ADGRB3: variants seen among roughly 807,000 people sequenced by gnomAD.
ADGRB3 encodes adhesion G protein-coupled receptor B3, also known as brain-specific angiogenesis inhibitor 3.
In ADGRB3, 37 loss-of-function variants were observed where a neutral mutation model predicts 193.4. The ratio of observed to expected loss-of-function variants is 0.19; its 90% CI spans 0.15 to 0.25. ADGRB3 has a LOEUF of 0.25. Ranked by LOEUF, ADGRB3 falls within the 10% of genes least tolerant of loss-of-function variation. ADGRB3 has a pLI of 1.00. For missense variants in ADGRB3, 1,637 were observed against 1,852.9 expected (o/e 0.88, Z 2.14); for synonymous variants, 690 against 644.2 (o/e 1.07, Z -1.08).
chr6:68,795,407 A>G (rs1198809645), intron 3 of ADGRB3, among the ~76,000 whole-genome samples: 2 of 152,152 alleles, frequency 1.3e-5, no homozygotes, highest in African/African-American at 4.8e-5. Context: ...GACAAAAGTG[A>G]TCTTTTCCTT....
At chr6:68,755,772 G>A (rs960518191) in intron 3 of ADGRB3, among the ~76,000 whole-genome samples, 1 of 152,104 alleles carries the variant, frequency 6.6e-6, no homozygotes, top group African/African-American at 2.4e-5. Flanking sequence ...CCAGGAAGTG[G>A]AGAGTCTCAA....
chr6:68,779,582 G>A (rs1471626850), intron 3 of ADGRB3, among the ~76,000 whole-genome samples: 1 of 152,110 alleles, frequency 6.6e-6, no homozygotes, highest in Non-Finnish European at 1.5e-5. Context: ...GGTCTTAGTA[G>A]TATGTCTGCC....
At chr6:68,893,050 G>A (rs1766122955) in intron 3 of ADGRB3, among the ~76,000 whole-genome samples, 1 of 151,940 alleles carries the variant, frequency 6.6e-6, no homozygotes, top group African/African-American at 2.4e-5. Flanking sequence ...TGAAAACATT[G>A]GAAAATTTTT....
At chr6:68,972,421 T>A (rs887306555) in intron 8 of ADGRB3, among the ~76,000 whole-genome samples, 3 of 152,072 alleles carry the variant, frequency 2.0e-5, no homozygotes, top group Admixed American at 6.5e-5. Context: ...GGCTCCCGAA[T>A]GGGGAGGGTT....
intron 3 of ADGRB3, among the ~76,000 whole-genome samples, chr6:68,847,864 A>G (rs1356168459): frequency 6.6e-6 from 1 of 152,174 alleles, no homozygotes; most frequent in Non-Finnish European, 1.5e-5. Flanking sequence ...AGGAAGTAGT[A>G]GAAGATTGTT....
intron 3 of ADGRB3, among the ~76,000 whole-genome samples, chr6:68,645,132 G>T (rs942516656): frequency 6.6e-6 from 1 of 151,954 alleles, no homozygotes; most frequent in Non-Finnish European, 1.5e-5. Context: ...CCTTGGAAAA[G>T]AAATCAGTGT....
intron 3 of ADGRB3, among the ~76,000 whole-genome samples, chr6:68,745,534 A>G (rs1293585664): frequency 6.6e-6 from 1 of 152,156 alleles, no homozygotes; most frequent in Non-Finnish European, 1.5e-5. Context: ...TGAATGTAAC[A>G]TTTAAAAATA....
At chr6:69,209,540 A>G (rs1366567117) in intron 17 of ADGRB3, among the ~76,000 whole-genome samples, 1 of 152,240 alleles carries the variant, frequency 6.6e-6, no homozygotes, top group African/African-American at 2.4e-5. Flanking sequence ...AATGTCATCA[A>G]TGTAATGGAC....
chr6:68,733,839 T>C (rs1582157271), intron 3 of ADGRB3, among the ~76,000 whole-genome samples: 1 of 151,000 alleles, frequency 6.6e-6, no homozygotes, highest in Admixed American at 6.6e-5. Context: ...CGTGTAAGAA[T>C]GTACATGACA....
chr6:68,966,564 A>G (rs1325608319), intron 8 of ADGRB3, among the ~76,000 whole-genome samples: 2 of 151,880 alleles, frequency 1.3e-5, no homozygotes, highest in Non-Finnish European at 2.9e-5. Context: ...CCCCTTCTTC[A>G]TTGGTGGAAG....
intron 24 of ADGRB3, among the ~76,000 whole-genome samples, chr6:69,338,715 A>T (rs926150952): frequency 6.6e-5 from 10 of 152,250 alleles, no homozygotes; most frequent in African/African-American, 2.4e-4. Flanking sequence ...TTTGCATGCA[A>T]CAAAGGCCCA....
At chr6:69,178,856 T>C (rs1775504482) in intron 17 of ADGRB3, among the ~76,000 whole-genome samples, 1 of 152,188 alleles carries the variant, frequency 6.6e-6, no homozygotes, top group African/African-American at 2.4e-5. Context: ...GATCTGACCT[T>C]TTCTCTAAGT....
chr6:69,066,188 A>G (rs577507099), intron 16 of ADGRB3, among the ~76,000 whole-genome samples: 2 of 151,194 alleles, frequency 1.3e-5, no homozygotes, highest in Non-Finnish European at 2.9e-5. Context: ...ATATATTAAT[A>G]TATAGTTATA....
intron 3 of ADGRB3, among the ~76,000 whole-genome samples, chr6:68,758,845 A>T (rs1002741273): frequency 1.3e-5 from 2 of 152,102 alleles, no homozygotes; most frequent in Admixed American, 1.3e-4. Flanking sequence ...CCTTCTCCCA[A>T]TCCTAAAAAC....
intron 26 of ADGRB3, among the ~76,000 whole-genome samples, chr6:69,348,603 A>G (rs533487523): frequency 5.8e-4 from 88 of 151,924 alleles, no homozygotes; most frequent in African/African-American, 2.1e-3. Flanking sequence ...TGGAGGTTGC[A>G]GTGAGCTGAG....
chr6:69,179,713 T>A (rs1775529758), intron 17 of ADGRB3, among the ~76,000 whole-genome samples: 1 of 152,182 alleles, frequency 6.6e-6, no homozygotes, highest in Non-Finnish European at 1.5e-5. Flanking sequence ...TGTGTGGCTG[T>A]AGAGAATGCT....
intron 3 of ADGRB3, among the ~76,000 whole-genome samples, chr6:68,663,969 A>G (rs1191832961): frequency 6.6e-6 from 1 of 151,858 alleles, no homozygotes. Flanking sequence ...CACTAAAAGC[A>G]TGAGAGTCAA....
intron 13 of ADGRB3, among the ~76,000 whole-genome samples, chr6:69,040,060 AATTAT>A (rs1348026876): frequency 2.0e-5 from 3 of 152,096 alleles, no homozygotes; most frequent in Non-Finnish European, 4.4e-5. Context: ...GTTTTGAGAT[AATTAT>A]ATTTATATAT....
chr6:68,815,918 A>G (rs1397536166), intron 3 of ADGRB3, among the ~76,000 whole-genome samples: 2 of 152,064 alleles, frequency 1.3e-5, no homozygotes, highest in East Asian at 3.8e-4. Context: ...TCTTAAATGA[A>G]AATCCTCAGT....
Sources: gnomAD v4.1 joint callset for allele counts (sites outside exome capture counted in the v4.1 genomes callset) on GRCh38, gnomAD v4.1.1 for gene constraint, MANE v1.5 for transcripts, NCBI Gene and HGNC (gene_info 2026-07-23, HGNC 2026-07-21) for gene names.